RAI14: variants seen among roughly 807,000 people sequenced by gnomAD.
The protein encoded by RAI14 is ankycorbin.
Under a neutral mutation model 115.4 loss-of-function variants are expected in RAI14, and 45 were observed. The ratio of observed to expected loss-of-function variants is 0.39; its 90% CI spans 0.31 to 0.50. The LOEUF (loss-of-function observed/expected upper bound fraction) is 0.50. Ranked by LOEUF, RAI14 falls within the 20% of genes least tolerant of loss-of-function variation. RAI14 has a pLI of 0.85. For synonymous variants in RAI14, 371 were observed against 415.4 expected (o/e 0.89, Z 1.30); for missense variants, 939 against 1,131.2 (o/e 0.83, Z 2.44).
At chr5:34,712,137 CTT>C (rs1027407532) in intron 2 of RAI14, among the ~76,000 whole-genome samples, 47 of 152,122 alleles carry the variant, frequency 3.1e-4, no homozygotes, top group African/African-American at 1.1e-3. Context: ...GTTAAAACCA[CTT>C]TATATGGGGT....
chr5:34,740,085 C>G lies in RAI14; in HGVS notation c.37-17383C>G, dbSNP rs137880689. Among the ~76,000 whole-genome samples the G allele has an allele frequency of 1.5e-3, 222 of 152,218 alleles. 1 individual carries two copies. The highest frequency in any genetic ancestry group is 3.4e-3 in the Middle Eastern group (1 of 294). On this transcript the variant is annotated intron_variant, in intron 2 of 17. Transcript: ENST00000265109. ...TAAAATAAAAGCTACAGTCCCTGTTCTTGAGCTCTCAACTTATGTGACACT... is the reference window on the plus strand; with the variant it reads ...TAAAATAAAAGCTACAGTCCCTGTTGTTGAGCTCTCAACTTATGTGACACT...
chr5:34,810,668 G>C, intron 7 of RAI14, among the ~76,000 whole-genome samples: 1 of 152,092 alleles, frequency 6.6e-6, no homozygotes, highest in South Asian at 2.1e-4. Context: ...CCTTTCTCCA[G>C]CACCGTCCCT....
At chr5:34,811,582 T>TAAA (rs35087500) in intron 8 of RAI14, among the ~76,000 whole-genome samples, 185 bp from the exon 9 acceptor site, 17,049 of 145,720 alleles carry the variant, frequency 0.12, 1,334 homozygotes, top group South Asian at 0.17. Flanking sequence ...ATCTGAAGTT[T>TAAA]AAAAAAAAAA....
chr5:34,733,311 A>G (rs552410902), intron 2 of RAI14: 1 of 152,350 alleles, frequency 6.6e-6, no homozygotes, highest in African/African-American at 2.4e-5. Context: ...GAATGAATGA[A>G]CAAGCCAGGA....
chr5:34,798,233 T>A (rs1580296142), intron 4 of RAI14, among the ~76,000 whole-genome samples: 1 of 152,188 alleles, frequency 6.6e-6, no homozygotes, highest in East Asian at 1.9e-4. Context: ...GAGGCGGGGT[T>A]TCACCATCTT....
At chr5:34,727,922 T>C (rs1743675637) in intron 2 of RAI14, among the ~76,000 whole-genome samples, 1 of 152,134 alleles carries the variant, frequency 6.6e-6, no homozygotes, top group Non-Finnish European at 1.5e-5. Context: ...CTACTGGAGC[T>C]GTGAGAAGAA....
chr5:34,743,477 C>A (rs142672454), intron 2 of RAI14, among the ~76,000 whole-genome samples: 2 of 152,144 alleles, frequency 1.3e-5, no homozygotes, highest in Admixed American at 6.5e-5. Context: ...ATCTCTAGAA[C>A]CTTAGTCAGT....
At chr5:34,810,935 C>T in intron 7 of RAI14, 77 bp from the exon 8 acceptor site, 9 of 1,597,882 alleles carry the variant, frequency 5.6e-6, no homozygotes, top group Non-Finnish European at 7.7e-6. Flanking sequence ...GAAAAATGTG[C>T]AAAAAACAGG....
rs557565467 is a variant in RAI14 at position 34,786,424 on chromosome 5, G to T, written c.168-9515G>T. Among the ~76,000 whole-genome samples, 7 of 152,310 alleles carry T rather than the reference G, an allele frequency of 4.6e-5. No homozygotes were observed. In the South Asian group the frequency reaches 1.2e-3, roughly 27 times the overall value. On this transcript the variant is annotated intron_variant, in intron 3 of 17. Coordinates refer to ENST00000265109, the MANE Select transcript of RAI14 (RefSeq NM_015577.3). ...CGTTCTTTTTCTTCAAAATAAGAAGGGGGTGCAGAAGAGTAGGGATGAACT... is the reference window on the plus strand; with the variant it reads ...CGTTCTTTTTCTTCAAAATAAGAAGTGGGTGCAGAAGAGTAGGGATGAACT...
At chr5:34,660,100 C>T (rs1276434788) in intron 1 of RAI14, among the ~76,000 whole-genome samples, 12 of 152,044 alleles carry the variant, frequency 7.9e-5, no homozygotes, top group Admixed American at 5.2e-4. Context: ...TGCTTGAGTC[C>T]TGGATGTCAA....
chr5:34,685,873 T>C (rs1204182508), intron 1 of RAI14: 1 of 152,178 alleles, frequency 6.6e-6, no homozygotes, highest in East Asian at 1.9e-4. Context: ...CACAGACCCA[T>C]GTTAAATGAA....
At chr5:34,730,939 T>C (rs1159564555) in intron 2 of RAI14, among the ~76,000 whole-genome samples, 1 of 152,180 alleles carries the variant, frequency 6.6e-6, no homozygotes, top group African/African-American at 2.4e-5. Context: ...GCTGAGGCCG[T>C]GCCATTGCAC....
At chr5:34,734,227 G>A (rs912041630) in intron 2 of RAI14, among the ~76,000 whole-genome samples, 1 of 152,202 alleles carries the variant, frequency 6.6e-6, no homozygotes, top group African/African-American at 2.4e-5. Context: ...TTGGTGGGCA[G>A]GGGGTGGGGT....
intron 1 of RAI14, among the ~76,000 whole-genome samples, chr5:34,677,712 T>C (rs2149866828): frequency 6.6e-6 from 1 of 152,326 alleles, no homozygotes; most frequent in Admixed American, 6.5e-5. Flanking sequence ...GTGCTGGGAT[T>C]ATAGGCATGA....
intron 2 of RAI14, among the ~76,000 whole-genome samples, chr5:34,705,631 G>A (rs1740616019): frequency 6.6e-6 from 1 of 151,966 alleles, no homozygotes; most frequent in African/African-American, 2.4e-5. Flanking sequence ...GGACAGATGT[G>A]TAACCAGTTT....
chr5:34,776,893 G>T (rs1047537203), intron 3 of RAI14, among the ~76,000 whole-genome samples: 1 of 151,994 alleles, frequency 6.6e-6, no homozygotes, highest in Non-Finnish European at 1.5e-5. Context: ...AAAGAGCTGG[G>T]TGCAGTGGCT....
At chr5:34,705,562 A>T (rs536868220) in intron 2 of RAI14, among the ~76,000 whole-genome samples, 26 of 152,314 alleles carry the variant, frequency 1.7e-4, no homozygotes, top group African/African-American at 6.3e-4. Context: ...CTTAATTAAC[A>T]TAAACAGATG....
At chr5:34,761,633 C>T (rs1374440372) in intron 3 of RAI14, among the ~76,000 whole-genome samples, 3 of 152,172 alleles carry the variant, frequency 2.0e-5, no homozygotes, top group Non-Finnish European at 4.4e-5. Flanking sequence ...GGAAGTGGAG[C>T]TGTCTGCTCC....
intron 2 of RAI14, among the ~76,000 whole-genome samples, chr5:34,724,429 G>A (rs1743192514): frequency 6.6e-6 from 1 of 152,218 alleles, no homozygotes; most frequent in East Asian, 1.9e-4. Flanking sequence ...CGGTATTTGG[G>A]CAAAACTAGA....
Sources: gnomAD v4.1 joint callset for allele counts (sites outside exome capture counted in the v4.1 genomes callset) on GRCh38, gnomAD v4.1.1 for gene constraint, MANE v1.5 for transcripts, NCBI Gene and HGNC (gene_info 2026-07-23, HGNC 2026-07-21) for gene names.